GNA12: variants seen among roughly 807,000 people sequenced by gnomAD.
GNA12 encodes the protein G protein subunit alpha 12, also known as guanine nucleotide-binding protein subunit alpha-12.
GNA12 carries 9 observed loss-of-function variants against 26.0 expected under a neutral mutation model. That is an observed-to-expected ratio of 0.35 (90% CI 0.21 to 0.60). The LOEUF (loss-of-function observed/expected upper bound fraction) is 0.60, where lower values mean the gene tolerates loss of function less well. Ranked by LOEUF, GNA12 falls within the 20% of genes least tolerant of loss-of-function variation. GNA12 has a pLI of 0.78. For missense variants in GNA12, 405 were observed against 525.8 expected (o/e 0.77, Z 2.25); for synonymous variants, 264 against 219.6 (o/e 1.20, Z -1.79).
intron 2 of GNA12, among the ~76,000 whole-genome samples, chr7:2,742,352 C>T (rs556144115): frequency 1.2e-4 from 18 of 152,146 alleles, no homozygotes; most frequent in Non-Finnish European, 2.1e-4. Context: ...CTGCCTCCCA[C>T]GGCCCTTGGG....
intron 1 of GNA12, among the ~76,000 whole-genome samples, chr7:2,813,100 T>C (rs542050442): frequency 3.3e-5 from 5 of 152,236 alleles, no homozygotes; most frequent in South Asian, 2.1e-4. Flanking sequence ...CTAATTTTAT[T>C]TGTAGACACA....
At position 2,761,239 on chromosome 7, in the gene GNA12, C is replaced by T. The variant is rs369965045; in HGVS notation, c.526-27738G>A. On this transcript the variant is annotated intron_variant, in intron 2 of 3. Transcript: ENST00000275364. ...AGCCCCGGCTCTGCTACCTCCCGGCCGTGGATGGCACAGTCCCCCTCTGGG... is the reference window on the plus strand; with the variant it reads ...AGCCCCGGCTCTGCTACCTCCCGGCTGTGGATGGCACAGTCCCCCTCTGGG... Among the ~76,000 whole-genome samples, 31 of 152,294 alleles carry T rather than the reference C, an allele frequency of 2.0e-4. No homozygotes were observed. The East Asian group carries it at 3.9e-3, about 19-fold the overall frequency.
chr7:2,794,083 C>A (rs1204769938), intron 2 of GNA12, among the ~76,000 whole-genome samples: 1 of 152,032 alleles, frequency 6.6e-6, no homozygotes, highest in Non-Finnish European at 1.5e-5. Flanking sequence ...AGGCAAGTCA[C>A]AGAAGCATAT....
Position 2,814,865 on chromosome 7 carries a change from G to A in GNA12, c.310-19722C>T, listed in dbSNP as rs771335976. ...CGGGTGTGCACTGCTCCCCTCCACA[G>A]CACTCACTCACACGACTGCCAGGCA... On this transcript the variant is annotated intron_variant, in intron 1 of 3. Transcript: ENST00000275364. 6.2e-6 allele frequency: 10 copies of A among 1,600,910 alleles called. No individual in the cohort carries two copies. In the Admixed American group the frequency reaches 6.8e-5, roughly 11 times the overall value.
intron 2 of GNA12, among the ~76,000 whole-genome samples, chr7:2,786,138 G>C (rs780706564): frequency 1.3e-5 from 2 of 152,172 alleles, no homozygotes; most frequent in African/African-American, 4.8e-5. Flanking sequence ...TTTCGACTGT[G>C]GTGTTACACA....
intron 3 of GNA12, 94 bp downstream of exon 3, chr7:2,733,357 C>T (rs915788793): frequency 1.0e-6 from 1 of 994,126 alleles, no homozygotes. Context: ...GCCTGTCAGT[C>T]CAGCCAAAGT....
At chr7:2,816,124 A>G (rs1430006818) in intron 1 of GNA12, among the ~76,000 whole-genome samples, 4 of 152,238 alleles carry the variant, frequency 2.6e-5, no homozygotes, top group African/African-American at 9.6e-5. Flanking sequence ...CAACCTGAAT[A>G]CGCATTCACA....
rs1202789852 is a variant in GNA12, at chr7:2,789,132, C to CTATTTTTTT, written c.525+5795_525+5796insAAAAAAATA. On this transcript the variant is annotated intron_variant, in intron 2 of 3. Transcript: ENST00000275364. Reference sequence around the variant, plus strand: ...ACCGTGCCCGGACCCCTTCAGGCATCTTTTTTTTTTTTTTTTTTTTTGAGA... The same window carrying CTATTTTTTT: ...ACCGTGCCCGGACCCCTTCAGGCATCTATTTTTTTTTTTTTTTTTTTTTTTTTTTTGAGA... Among the ~76,000 whole-genome samples the CTATTTTTTT allele has an allele frequency of 5.9e-4, 43 of 72,828 alleles. 1 individual carries two copies. Among genetic ancestry groups the CTATTTTTTT allele is most frequent in the Non-Finnish European group, 7.5e-4 (28 of 37,278 alleles). The allele number at this position is 72,828 out of a possible 152,430, so 47.8% of individuals were successfully genotyped here.
At chr7:2,756,167 A>G (rs1791283844) in intron 2 of GNA12, among the ~76,000 whole-genome samples, 1 of 152,220 alleles carries the variant, frequency 6.6e-6, no homozygotes. Flanking sequence ...CAATTGATTT[A>G]TAAAAAATTG....
chr7:2,828,579 C>T (rs1486657632), intron 1 of GNA12, among the ~76,000 whole-genome samples: 1 of 152,232 alleles, frequency 6.6e-6, no homozygotes, highest in Non-Finnish European at 1.5e-5. Context: ...GTCTACCAAG[C>T]TGGCTGCAGG....
At chr7:2,749,453 C>G (rs1032082469) in intron 2 of GNA12, among the ~76,000 whole-genome samples, 3 of 145,180 alleles carry the variant, frequency 2.1e-5, no homozygotes, top group Admixed American at 7.3e-5. Context: ...TAGGTGGGAA[C>G]TGAACAATGA....
chr7:2,830,962 A>AC (rs1793592478), intron 1 of GNA12, among the ~76,000 whole-genome samples: 5 of 147,484 alleles, frequency 3.4e-5, no homozygotes, highest in Admixed American at 3.4e-4. Context: ...TGAAAAAAAA[A>AC]CAAAAAACAA....
intron 2 of GNA12, among the ~76,000 whole-genome samples, chr7:2,736,668 C>G (rs1481670652): frequency 6.6e-6 from 1 of 152,238 alleles, no homozygotes; most frequent in African/African-American, 2.4e-5. Context: ...GACCGCCTTT[C>G]TGCAGAGGCC....
At chr7:2,734,484 G>A (rs916247014) in intron 2 of GNA12, among the ~76,000 whole-genome samples, 1 of 152,212 alleles carries the variant, frequency 6.6e-6, no homozygotes, top group South Asian at 2.1e-4. Context: ...TCATACACAT[G>A]TGGCGAGCTG....
chr7:2,842,621 A>G (rs1779028888), intron 1 of GNA12, among the ~76,000 whole-genome samples: 1 of 152,198 alleles, frequency 6.6e-6, no homozygotes, highest in South Asian at 2.1e-4. Flanking sequence ...TCTTTCACAA[A>G]TATGGCGAAG....
chr7:2,768,329 T>A (rs1399401581), intron 2 of GNA12, among the ~76,000 whole-genome samples: 1 of 152,216 alleles, frequency 6.6e-6, no homozygotes, highest in Admixed American at 6.5e-5. Context: ...CAAACCTGGA[T>A]CTCTCAGCTT....
intron 2 of GNA12, among the ~76,000 whole-genome samples, chr7:2,733,823 A>C (rs1201236195): frequency 6.6e-6 from 1 of 151,890 alleles, no homozygotes; most frequent in East Asian, 1.9e-4. Flanking sequence ...AGGCTGGCCC[A>C]CTCCTGGCCA....
chr7:2,831,687 A>G lies in GNA12; in HGVS notation c.309+12166T>C, dbSNP rs563894281. 6.4e-3 allele frequency among the ~76,000 whole-genome samples: 967 copies of G among 152,122 alleles called. 6 individuals carry two copies. The highest frequency in any genetic ancestry group is 0.022 in the African/African-American group (908 of 41,502). On this transcript the variant is annotated intron_variant, in intron 1 of 3. Transcript: ENST00000275364. ...CAAAGTGCTGGGATTACAGGCATGAACCACCGCGCCCCGCCTGGAACTTCA... is the reference window on the plus strand; with the variant it reads ...CAAAGTGCTGGGATTACAGGCATGAGCCACCGCGCCCCGCCTGGAACTTCA...
At chr7:2,744,098 G>T (rs1018497533) in intron 2 of GNA12, among the ~76,000 whole-genome samples, 1 of 152,224 alleles carries the variant, frequency 6.6e-6, no homozygotes, top group East Asian at 1.9e-4. Context: ...TGGGGGCAGG[G>T]CACAGACAAA....
Sources: allele counts gnomAD v4.1 joint callset (sites outside exome capture counted in the v4.1 genomes callset), GRCh38; gene constraint gnomAD v4.1.1; transcripts MANE v1.5; gene names NCBI Gene and HGNC (gene_info 2026-07-23, HGNC 2026-07-21).